The following ASPH variants were observed in gnomAD, a reference collection of about 807,000 sequenced individuals.
ASPH encodes the protein aspartyl/asparaginyl beta-hydroxylase.
ASPH carries 100 observed loss-of-function variants against 118.4 expected under a neutral mutation model. The observed-to-expected ratio is 0.84, with a 90% confidence interval of 0.72 to 1.00. The LOEUF (loss-of-function observed/expected upper bound fraction) is 1.00. ASPH is among the 50% of genes least tolerant of loss of function. The pLI is 0.00. For synonymous variants in ASPH, 315 were observed against 325.6 expected, an observed-to-expected ratio of 0.97 and a Z score of 0.35; for missense variants, 920 against 919.5, an observed-to-expected ratio of 1.00 and a Z score of -0.01.
At chr8:61,581,660 C>G (rs553084216) in intron 15 of ASPH, among the ~76,000 whole-genome samples, 2 of 152,176 alleles carry the variant, frequency 1.3e-5, no homozygotes, top group East Asian at 3.9e-4. Flanking sequence ...CCATGTTGTC[C>G]CTCGAGGAAT....
At position 61,651,059 on chromosome 8, in the gene ASPH, C is replaced by A. The variant is rs77752382; in HGVS notation, c.481G>T (p.Ala161Ser). The change falls in exon 5 of 25, where the codon GCA becomes TCA. Residue 161 changes from alanine (A) to serine (S), a missense_variant. Transcript: ENST00000379454. ...AGATTTTAATTCATACCATGTTCTG[C>A]GTGTACCATTTCATGGAGAAGGGAC... is the stretch of plus-strand genomic sequence containing the variant. ...IQSLLHEMVH[A>S]EHVEGEDLQQ... 6.2e-7 allele frequency: 1 copy of A among 1,612,534 alleles called. No homozygotes were observed. Among genetic ancestry groups the A allele is most frequent in the Non-Finnish European group, 8.5e-7 (1 of 1,179,230 alleles).
At chr8:61,632,651 T>C (rs752265146) in intron 13 of ASPH, 5 of 496,292 alleles carry the variant, frequency 1.0e-5, no homozygotes, top group Non-Finnish European at 1.6e-5. Flanking sequence ...TTCCATTCTC[T>C]TAATCAAATA....
At chr8:61,561,148 T>TGAAGGAAGGAAGGA (rs1563822453) in intron 18 of ASPH, among the ~76,000 whole-genome samples, 4 of 115,376 alleles carry the variant, frequency 3.5e-5, no homozygotes, top group Admixed American at 8.2e-5. Context: ...GGAAGGAAGT[T>TGAAGGAAGGAAGGA]AGGAATTCTA....
chr8:61,516,216 C>T (rs1810852696), intron 24 of ASPH, among the ~76,000 whole-genome samples: 1 of 152,074 alleles, frequency 6.6e-6, no homozygotes, highest in Admixed American at 6.5e-5. Context: ...CTTTAAAAAC[C>T]ACCACTCTGC....
chr8:61,537,707 G>A (rs4625030), intron 21 of ASPH, among the ~76,000 whole-genome samples: 144,214 of 152,222 alleles, frequency 0.95, 68,363 homozygotes, highest in East Asian at 1. Flanking sequence ...TACTGAATTA[G>A]ACATTTTAGA....
intron 5 of ASPH, among the ~76,000 whole-genome samples, chr8:61,647,687 TAAA>T (rs1164501790): frequency 1.3e-5 from 2 of 151,748 alleles, no homozygotes; most frequent in Non-Finnish European, 2.9e-5. Flanking sequence ...AATAAATAAA[TAAA>T]TTAAATTAAA....
intron 14 of ASPH, among the ~76,000 whole-genome samples, chr8:61,593,109 G>T (rs1312694694): frequency 2.0e-5 from 3 of 152,136 alleles, no homozygotes; most frequent in Non-Finnish European, 2.9e-5. Flanking sequence ...CCTCACACTG[G>T]GGTCTGAAAT....
rs149555765 is a variant in ASPH at position 61,649,728 on chromosome 8, T to C, written c.490+1322A>G. Among the ~76,000 whole-genome samples, 1,418 of 151,786 alleles carry C rather than the reference T, an allele frequency of 9.3e-3. 28 individuals carry two copies. Among genetic ancestry groups the C allele is most frequent in the African/African-American group, 0.033 (1,369 of 41,356 alleles). ...CCTCCTTTGGCTGAGGCAAGTTTGCTACCATCCTGAATCACTGTTACCTGC... is the reference window on the plus strand; with the variant it reads ...CCTCCTTTGGCTGAGGCAAGTTTGCCACCATCCTGAATCACTGTTACCTGC... On this transcript the variant is annotated intron_variant, in intron 5 of 24. Transcript: ENST00000379454.
At chr8:61,651,751 A>T (rs1443305236) in intron 4 of ASPH, among the ~76,000 whole-genome samples, 1 of 152,260 alleles carries the variant, frequency 6.6e-6, no homozygotes, top group Non-Finnish European at 1.5e-5. Context: ...AAATAAATTG[A>T]ATTACAAAAG....
chr8:61,500,987 A>T lies in ASPH; in HGVS notation c.*2372T>A, dbSNP rs964731287. On this transcript the variant is annotated 3_prime_UTR_variant, in exon 25 of 25. Transcript: ENST00000379454. Reference sequence around the variant, plus strand: ...ATCTAATGTTTTAATTTTTTCCCCTATTGGTAGAGAACAATAACAGAAGTA... The same window carrying T: ...ATCTAATGTTTTAATTTTTTCCCCTTTTGGTAGAGAACAATAACAGAAGTA... The T allele has an allele frequency of 6.6e-6, 1 of 152,154 alleles. No individual in the cohort carries two copies. The highest frequency in any genetic ancestry group is 2.4e-5 in the African/African-American group (1 of 41,442). 9.4% of individuals were successfully genotyped at this position (152,154 alleles called of 1,614,324 possible). A position where few individuals can be genotyped will look rare whatever the true frequency, so the allele number is the denominator to read the frequency against.
chr8:61,578,390 C>T, intron 15 of ASPH: 1 of 1,604,908 alleles, frequency 6.2e-7, no homozygotes, highest in South Asian at 1.1e-5. Context: ...ATAGTGGGGC[C>T]AGCGGCATGG....
chr8:61,597,393 ATG>A (rs1399867733), intron 14 of ASPH, among the ~76,000 whole-genome samples: 1 of 152,096 alleles, frequency 6.6e-6, no homozygotes, highest in East Asian at 1.9e-4. Flanking sequence ...TACATAATAT[ATG>A]TGACACCATA....
At chr8:61,709,597 A>G (rs1402567408) in intron 1 of ASPH, among the ~76,000 whole-genome samples, 1 of 152,222 alleles carries the variant, frequency 6.6e-6, no homozygotes, top group Non-Finnish European at 1.5e-5. Flanking sequence ...GGGTGTACAT[A>G]GGTTATATGT....
intron 3 of ASPH, chr8:61,675,454 C>T (rs983351040): frequency 2.0e-6 from 2 of 984,572 alleles, no homozygotes; most frequent in African/African-American, 3.5e-5. Context: ...AGTTAACTTA[C>T]TCTAAGGCAA....
At chr8:61,616,321 T>A (rs1438762051) in intron 14 of ASPH, among the ~76,000 whole-genome samples, 1 of 151,614 alleles carries the variant, frequency 6.6e-6, no homozygotes, top group Non-Finnish European at 1.5e-5. Flanking sequence ...GAATGGGAGG[T>A]CTGGAGCATG....
intron 10 of ASPH, among the ~76,000 whole-genome samples, chr8:61,638,683 A>G (rs527388615): frequency 1.3e-3 from 200 of 152,314 alleles, no homozygotes; most frequent in African/African-American, 4.5e-3. Context: ...CCTGGTGTTC[A>G]TGGGCAGATT....
At chr8:61,656,944 T>A (rs1814001327) in intron 3 of ASPH, 1 of 152,260 alleles carries the variant, frequency 6.6e-6, no homozygotes, top group African/African-American at 2.4e-5. Context: ...CTAAATTGTA[T>A]GTTGTATTTA....
intron 1 of ASPH, among the ~76,000 whole-genome samples, chr8:61,714,068 C>T (rs1230874457): frequency 3.9e-5 from 6 of 152,244 alleles, no homozygotes; most frequent in Non-Finnish European, 7.3e-5. Context: ...AGGGCTCGGA[C>T]CCCGGTCCGC....
At chr8:61,582,475 C>A in intron 15 of ASPH, among the ~76,000 whole-genome samples, 1 of 152,296 alleles carries the variant, frequency 6.6e-6, no homozygotes, top group Non-Finnish European at 1.5e-5. Context: ...TGACCACAAA[C>A]AGTAGATGGC....
Sources: gnomAD v4.1 joint callset for allele counts (sites outside exome capture counted in the v4.1 genomes callset) on GRCh38, gnomAD v4.1.1 for gene constraint, MANE v1.5 for transcripts, NCBI Gene and HGNC (gene_info 2026-07-23, HGNC 2026-07-21) for gene names.